The following FHIT variants were observed in gnomAD, a reference collection of about 807,000 sequenced individuals.
FHIT encodes the protein bis(5'-adenosyl)-triphosphatase.
Under a neutral mutation model 17.9 loss-of-function variants are expected in FHIT, and 19 were observed. That is an observed-to-expected ratio of 1.06 (90% confidence interval 0.74 to 1.56). FHIT has a LOEUF of 1.56. FHIT is among the 40% of genes most tolerant of loss of function. The probability of loss-of-function intolerance (pLI) is 0.00; values close to 1 mark genes in which losing one functional copy is unlikely to be tolerated. For synonymous variants in FHIT, 81 were observed against 69.7 expected (o/e 1.16, Z -0.81); for missense variants, 248 against 189.2 (o/e 1.31, Z -1.82).
At chr3:59,985,963 A>G (rs1192833688) in intron 7 of FHIT, among the ~76,000 whole-genome samples, 1 of 152,066 alleles carries the variant, frequency 6.6e-6, no homozygotes, top group Non-Finnish European at 1.5e-5. Flanking sequence ...GAGAGAAAAA[A>G]AAGAGGAAGA....
At chr3:60,308,972 A>C (rs1245359702) in intron 5 of FHIT, among the ~76,000 whole-genome samples, 1 of 152,082 alleles carries the variant, frequency 6.6e-6, no homozygotes, top group Non-Finnish European at 1.5e-5. Flanking sequence ...CTCACACATC[A>C]CACACCCAGT....
At chr3:60,414,961 C>T (rs887352313) in intron 5 of FHIT, among the ~76,000 whole-genome samples, 3 of 152,148 alleles carry the variant, frequency 2.0e-5, no homozygotes, top group Non-Finnish European at 4.4e-5. Flanking sequence ...CTTTAGTCTT[C>T]CCCCAAATCA....
chr3:60,444,302 T>C (rs565922896), intron 5 of FHIT, among the ~76,000 whole-genome samples: 6 of 152,314 alleles, frequency 3.9e-5, no homozygotes, highest in African/African-American at 9.6e-5. Context: ...CTCAGGGATC[T>C]AGAACTAGAA....
At chr3:59,945,346 C>T (rs933978715) in intron 7 of FHIT, among the ~76,000 whole-genome samples, 4 of 152,080 alleles carry the variant, frequency 2.6e-5, no homozygotes, top group African/African-American at 9.7e-5. Context: ...CTGTTCATGT[C>T]CTTTGCCAAC....
intron 2 of FHIT, among the ~76,000 whole-genome samples, chr3:61,083,912 T>C (rs2035227885): frequency 6.6e-6 from 1 of 152,106 alleles, no homozygotes; most frequent in South Asian, 2.1e-4. Context: ...CAGTTGATGG[T>C]CATTTGGGTT....
chr3:60,951,953 G>A (rs1336188550), intron 3 of FHIT, among the ~76,000 whole-genome samples: 3 of 152,110 alleles, frequency 2.0e-5, no homozygotes, highest in African/African-American at 7.2e-5. Flanking sequence ...ATCACCTGAG[G>A]TCAGGAGTTC....
At chr3:60,296,871 T>G (rs1408517787) in intron 5 of FHIT, among the ~76,000 whole-genome samples, 1 of 151,520 alleles carries the variant, frequency 6.6e-6, no homozygotes, top group Non-Finnish European at 1.5e-5. Flanking sequence ...AACTGTACAA[T>G]TTGTTGAAAA....
chr3:60,228,525 C>A (rs1393269829), intron 5 of FHIT, among the ~76,000 whole-genome samples: 1 of 152,104 alleles, frequency 6.6e-6, no homozygotes, highest in Admixed American at 6.5e-5. Context: ...AAACACACAT[C>A]CATGGCTCTG....
chr3:61,152,390 T>C (rs1259674077), intron 2 of FHIT, among the ~76,000 whole-genome samples: 1 of 152,228 alleles, frequency 6.6e-6, no homozygotes, highest in Non-Finnish European at 1.5e-5. Flanking sequence ...TTTTAATAGA[T>C]TCAAGTGTTT....
intron 2 of FHIT, among the ~76,000 whole-genome samples, chr3:61,049,132 A>T (rs2033929847): frequency 6.6e-6 from 1 of 151,864 alleles, no homozygotes; most frequent in Non-Finnish European, 1.5e-5. Flanking sequence ...TAATTAAAAT[A>T]TATGTATATA....
chr3:59,921,385 G>A (rs1294359100), intron 8 of FHIT, among the ~76,000 whole-genome samples: 2 of 152,188 alleles, frequency 1.3e-5, no homozygotes, highest in Non-Finnish European at 2.9e-5. Context: ...AGAGCCACAT[G>A]ATAAACAATC....
chr3:60,898,780 G>A (rs1390199784), intron 3 of FHIT, among the ~76,000 whole-genome samples: 5 of 152,136 alleles, frequency 3.3e-5, no homozygotes, highest in Admixed American at 6.6e-5. Flanking sequence ...TCAGGAGCCC[G>A]AGTTTGGTTC....
At chr3:61,057,511 G>A (rs1453028257) in intron 2 of FHIT, among the ~76,000 whole-genome samples, 1 of 151,964 alleles carries the variant, frequency 6.6e-6, no homozygotes, top group Non-Finnish European at 1.5e-5. Context: ...GAAGGGAGAT[G>A]AATATCTTTG....
At chr3:60,287,612 CTTTAT>C (rs1287462467) in intron 5 of FHIT, among the ~76,000 whole-genome samples, 1 of 152,050 alleles carries the variant, frequency 6.6e-6, no homozygotes, top group African/African-American at 2.4e-5. Flanking sequence ...TTGTGATATG[CTTTAT>C]TTTATTTAAG....
chr3:61,151,482 A>G (rs7639878), intron 2 of FHIT, among the ~76,000 whole-genome samples: 76,920 of 151,804 alleles, frequency 0.51, 20,267 homozygotes, highest in East Asian at 0.87. Flanking sequence ...ATATGTATCC[A>G]AAGGTTAGCT....
intron 8 of FHIT, among the ~76,000 whole-genome samples, chr3:59,911,803 G>A (rs1193966777): frequency 1.3e-5 from 2 of 152,188 alleles, no homozygotes; most frequent in Non-Finnish European, 2.9e-5. Context: ...ACGGACCTGA[G>A]GATTCGGAGA....
chr3:60,542,926 A>G lies in FHIT; in HGVS notation c.-17-5947T>C, dbSNP rs183829963. ...ATTTATTCCACTTGGAACTTTGTTT[A>G]TAGTATGAAATACAGAAACGGCTTC... On this transcript the variant is annotated intron_variant, in intron 4 of 9. Transcript: ENST00000492590. Among the ~76,000 whole-genome samples, 264 of 152,282 alleles carry G rather than the reference A, an allele frequency of 1.7e-3. 1 individual carries two copies. The highest frequency in any genetic ancestry group is 6.1e-3 in the African/African-American group (252 of 41,564).
At chr3:59,842,059 C>A (rs1040920845) in intron 8 of FHIT, among the ~76,000 whole-genome samples, 7 of 152,130 alleles carry the variant, frequency 4.6e-5, no homozygotes, top group African/African-American at 1.7e-4. Context: ...AATAACAACT[C>A]CCCATTCTCC....
intron 5 of FHIT, among the ~76,000 whole-genome samples, chr3:60,123,991 T>C (rs1225011781): frequency 3.1e-4 from 15 of 48,696 alleles, no homozygotes; most frequent in African/African-American, 1.2e-3. Context: ...TATATATATA[T>C]ATATATATAT....
Sources: allele counts gnomAD v4.1 joint callset (sites outside exome capture counted in the v4.1 genomes callset), GRCh38; gene constraint gnomAD v4.1.1; transcripts MANE v1.5; gene names NCBI Gene and HGNC (gene_info 2026-07-23, HGNC 2026-07-21).